The following GABRB3 variants were observed in gnomAD, a reference collection of about 807,000 sequenced individuals.
GABRB3 encodes the protein gamma-aminobutyric acid type A receptor subunit beta3.
Under a neutral mutation model 52.1 loss-of-function variants are expected in GABRB3, and 14 were observed. The observed-to-expected ratio is 0.27, with a 90% CI of 0.18 to 0.42. GABRB3 has a LOEUF of 0.42. Among genes scored for constraint, GABRB3 ranks in the 10% least tolerant of loss-of-function variants. The pLI, the probability that GABRB3 is intolerant of heterozygous loss-of-function variation, is 1.00. For missense variants in GABRB3, 307 were observed against 609.1 expected (o/e 0.50, Z 5.22); for synonymous variants, 260 against 232.3 (o/e 1.12, Z -1.08).
intron 3 of GABRB3, among the ~76,000 whole-genome samples, chr15:26,654,255 C>G (rs1887292236): frequency 6.6e-6 from 1 of 152,216 alleles, no homozygotes; most frequent in Non-Finnish European, 1.5e-5. Flanking sequence ...ATGCCATTCT[C>G]CTGCCTCAGC....
intron 3 of GABRB3, among the ~76,000 whole-genome samples, chr15:26,663,004 T>C (rs531795968): frequency 6.6e-6 from 1 of 152,216 alleles, no homozygotes; most frequent in East Asian, 1.9e-4. Context: ...AACTAGGAAA[T>C]AGACATTGGT....
At chr15:26,549,679 C>T (rs1193224862) in intron 8 of GABRB3, among the ~76,000 whole-genome samples, 4 of 152,106 alleles carry the variant, frequency 2.6e-5, no homozygotes, top group African/African-American at 7.2e-5. Flanking sequence ...AACCTAAGTG[C>T]TCAGACTGAA....
chr15:26,773,695 C>A, upstream of GABRB3: 1 of 1,575,294 alleles, frequency 6.3e-7, no homozygotes, highest in Non-Finnish European at 8.6e-7. Context: ...GCCAGATGGG[C>A]AGCAGGAGCT....
rs547024202 is a variant in GABRB3 at position 26,590,908 on chromosome 15, G to C, written c.462-7494C>G. ...CTTGCTTTATCTAATATAAAGGCTG[G>C]AAGTGACCACGTGCCAGCCCCATGC... is the stretch of plus-strand genomic sequence containing the variant. On this transcript the variant is annotated intron_variant, in intron 4 of 8. Transcript: ENST00000311550. Among the ~76,000 whole-genome samples the C allele has an allele frequency of 2.0e-5, 3 of 152,144 alleles. No individual in the cohort carries two copies. The East Asian group carries it at 5.8e-4, about 29-fold the overall frequency.
chr15:26,618,067 T>G (rs1892329779), intron 4 of GABRB3, among the ~76,000 whole-genome samples: 1 of 152,086 alleles, frequency 6.6e-6, no homozygotes, highest in Non-Finnish European at 1.5e-5. Flanking sequence ...GAAGAATCAG[T>G]ATCATGAAAA....
At chr15:26,630,047 C>T (rs1892870929) in intron 3 of GABRB3, among the ~76,000 whole-genome samples, 2 of 151,626 alleles carry the variant, frequency 1.3e-5, no homozygotes, top group South Asian at 4.1e-4. Flanking sequence ...CCTCTGCCAC[C>T]CCATTTACTC....
intron 3 of GABRB3, among the ~76,000 whole-genome samples, chr15:26,736,152 A>G (rs1890060717): frequency 6.6e-6 from 1 of 152,224 alleles, no homozygotes; most frequent in South Asian, 2.1e-4. Flanking sequence ...GGAGAAGGAT[A>G]GTGGCAATTA....
intron 3 of GABRB3, among the ~76,000 whole-genome samples, chr15:26,751,121 G>A (rs17738553): frequency 0.01 from 1,534 of 152,176 alleles, 24 homozygotes; most frequent in East Asian, 0.057. Flanking sequence ...TATGTGATGC[G>A]TTTTTACAAA....
At chr15:26,773,273 C>G (rs1891211732), upstream of GABRB3, among the ~76,000 whole-genome samples, 1 of 150,194 alleles carries the variant, frequency 6.7e-6, no homozygotes, top group Non-Finnish European at 1.5e-5. Context: ...GCGCTCCCCT[C>G]CCGCCTCGGC....
At chr15:26,708,533 T>G (rs1212607460) in intron 3 of GABRB3, among the ~76,000 whole-genome samples, 2 of 152,144 alleles carry the variant, frequency 1.3e-5, no homozygotes, top group Non-Finnish European at 1.5e-5. Flanking sequence ...ACTAGGGCAC[T>G]GCATGAGGAG....
intron 3 of GABRB3, among the ~76,000 whole-genome samples, chr15:26,719,198 G>T (rs549559672): frequency 6.6e-6 from 1 of 152,254 alleles, no homozygotes; most frequent in Non-Finnish European, 1.5e-5. Context: ...TTGGCATAGC[G>T]CTAGGCACAT....
chr15:26,655,748 A>G (rs1397843386), intron 3 of GABRB3, among the ~76,000 whole-genome samples: 1 of 151,828 alleles, frequency 6.6e-6, no homozygotes, highest in Admixed American at 6.6e-5. Context: ...TCTCAAAAAA[A>G]AAAAAAAAAC....
At chr15:26,631,441 T>A (rs1892911079) in intron 3 of GABRB3, among the ~76,000 whole-genome samples, 1 of 152,094 alleles carries the variant, frequency 6.6e-6, no homozygotes, top group African/African-American at 2.4e-5. Context: ...GAAGAAAAAA[T>A]TTACCATCCC....
At chr15:26,588,674 T>C (rs184110244) in intron 4 of GABRB3, among the ~76,000 whole-genome samples, 24 of 152,348 alleles carry the variant, frequency 1.6e-4, no homozygotes, top group Admixed American at 7.8e-4. Flanking sequence ...GAGATATAAA[T>C]ATTGATACTT....
rs532370426 is a variant in GABRB3, at chr15:26,756,336, G to A, written c.240+16066C>T. On this transcript the variant is annotated intron_variant, in intron 3 of 8. Transcript: ENST00000311550. Reference sequence around the variant, plus strand: ...TGTAATCCCAGCACTTGGGGAAACCGAGGCGGGTGGATCACGAGCCCAGGA... The same window carrying A: ...TGTAATCCCAGCACTTGGGGAAACCAAGGCGGGTGGATCACGAGCCCAGGA... Among the ~76,000 whole-genome samples, 8 of 151,710 alleles carry A rather than the reference G, an allele frequency of 5.3e-5. No homozygotes were observed. The East Asian group carries it at 5.8e-4, about 11-fold the overall frequency.
chr15:26,734,617 C>T (rs900650399), intron 3 of GABRB3, among the ~76,000 whole-genome samples: 19 of 147,234 alleles, frequency 1.3e-4, no homozygotes, highest in Non-Finnish European at 2.2e-4. Flanking sequence ...TGCACTCCAG[C>T]CTGGGCAACA....
chr15:26,657,392 A>C (rs2140602811), intron 3 of GABRB3: 1 of 152,338 alleles, frequency 6.6e-6, no homozygotes, highest in South Asian at 2.1e-4. Context: ...TATTCCGACA[A>C]TGAAACATTA....
intron 7 of GABRB3, among the ~76,000 whole-genome samples, chr15:26,565,120 A>G (rs937547466): frequency 7.2e-5 from 11 of 152,138 alleles, no homozygotes; most frequent in African/African-American, 2.7e-4. Context: ...AGAATGTGGC[A>G]CCTAACTATG....
chr15:26,628,987 T>C, intron 3 of GABRB3: 1 of 1,536,138 alleles, frequency 6.5e-7, no homozygotes, highest in Non-Finnish European at 8.7e-7. Flanking sequence ...CTCTTCTGTC[T>C]GGTAGGTGGC....
Sources: allele counts gnomAD v4.1 joint callset (sites outside exome capture counted in the v4.1 genomes callset), GRCh38; gene constraint gnomAD v4.1.1; transcripts MANE v1.5; gene names NCBI Gene and HGNC (gene_info 2026-07-23, HGNC 2026-07-21).